Variants in TENM2 observed in about 807,000 individuals in gnomAD.
TENM2 encodes the protein teneurin transmembrane protein 2, also known as teneurin-2.
Under a neutral mutation model 245.2 loss-of-function variants are expected in TENM2, and 52 were observed. That is an observed-to-expected ratio of 0.21 (90% CI 0.17 to 0.27). TENM2 has a LOEUF of 0.27. Among genes scored for constraint, TENM2 ranks in the 10% least tolerant of loss-of-function variants. The probability of loss-of-function intolerance (pLI) is 1.00; values close to 1 mark genes in which losing one functional copy is unlikely to be tolerated. For synonymous variants in TENM2, 1,363 were observed against 1,438.9 expected (o/e 0.95, Z 1.19); for missense variants, 3,046 against 3,666.8 (o/e 0.83, Z 4.37).
At chr5:167,873,601 A>G (rs948752402) in intron 2 of TENM2, among the ~76,000 whole-genome samples, 1 of 152,244 alleles carries the variant, frequency 6.6e-6, no homozygotes, top group East Asian at 1.9e-4. Context: ...ATTAGATAAT[A>G]CATATAAAGG....
intron 8 of TENM2, among the ~76,000 whole-genome samples, chr5:168,090,995 G>A (rs1332230476): frequency 6.6e-6 from 1 of 152,164 alleles, no homozygotes; most frequent in Non-Finnish European, 1.5e-5. Flanking sequence ...GAGGTTAAGA[G>A]TTTGGGTCAG....
the TENM2 span, among the ~76,000 whole-genome samples, chr5:167,270,301 C>G: frequency 6.6e-6 from 1 of 152,158 alleles, no homozygotes; most frequent in African/African-American, 2.4e-5. Context: ...GTAACCACTA[C>G]TGTTATTGTT....
At chr5:167,144,056 GT>G in the TENM2 span, among the ~76,000 whole-genome samples, 1 of 152,012 alleles carries the variant, frequency 6.6e-6, no homozygotes, top group Non-Finnish European at 1.5e-5. Context: ...AAATGAGGGG[GT>G]TTTTTAAACC....
intron 2 of TENM2, among the ~76,000 whole-genome samples, chr5:167,527,649 A>G (rs1353867153): frequency 6.6e-6 from 1 of 152,154 alleles, no homozygotes; most frequent in Non-Finnish European, 1.5e-5. Flanking sequence ...TATTCTGTGC[A>G]TACATCTCTT....
intron 2 of TENM2, among the ~76,000 whole-genome samples, chr5:167,773,607 T>G (rs1763543700): frequency 1.3e-5 from 2 of 152,172 alleles, no homozygotes; most frequent in South Asian, 4.1e-4. Context: ...TTACCCTTGT[T>G]GTTCTTTCCT....
chr5:167,486,544 G>A (rs1768088036), intron 2 of TENM2, among the ~76,000 whole-genome samples: 1 of 151,948 alleles, frequency 6.6e-6, no homozygotes, highest in Admixed American at 6.6e-5. Flanking sequence ...TAGCCAGGAT[G>A]GTCTCAATCT....
intron 2 of TENM2, among the ~76,000 whole-genome samples, chr5:167,872,372 G>A (rs1772946159): frequency 7.3e-6 from 1 of 136,966 alleles, no homozygotes; most frequent in Non-Finnish European, 1.6e-5. Context: ...AAGGAAGGAA[G>A]GAAGGAAAAG....
At chr5:166,990,790 C>T in the TENM2 span, among the ~76,000 whole-genome samples, 1 of 152,124 alleles carries the variant, frequency 6.6e-6, no homozygotes, top group East Asian at 1.9e-4. Context: ...TCTATTCTAA[C>T]AACAACACTG....
intron 15 of TENM2, among the ~76,000 whole-genome samples, chr5:168,196,807 T>A (rs1218110920): frequency 6.6e-6 from 1 of 152,210 alleles, no homozygotes; most frequent in African/African-American, 2.4e-5. Context: ...TGCTGTGAAG[T>A]CCCATGAAAC....
At chr5:167,095,453 A>G in the TENM2 span, among the ~76,000 whole-genome samples, 1 of 152,158 alleles carries the variant, frequency 6.6e-6, no homozygotes, top group Non-Finnish European at 1.5e-5. Flanking sequence ...ACGGAAATGT[A>G]GGAGGCGGCG....
chr5:168,127,329 A>T (rs1795926413), intron 12 of TENM2, among the ~76,000 whole-genome samples: 1 of 152,164 alleles, frequency 6.6e-6, no homozygotes, highest in Non-Finnish European at 1.5e-5. Context: ...TGGCTGGATC[A>T]CTGGATCCCT....
rs1766406833 is a variant in TENM2, at chr5:168,244,816, C to T, written c.5817+100C>T. ...ACAGAGACTTGCTCTGTTGCCCAGG[C>T]TGGAGTGCAGTGGCATGATCTCGGC... On this transcript the variant is annotated intron_variant, in intron 26 of 28. Transcript: ENST00000518659. This position sits in a 1 kb window ranked among gnomAD's most constrained non-coding sequence, Gnocchi z 4.9. 2 of 1,058,710 alleles carry T rather than the reference C, an allele frequency of 1.9e-6. No individual in the cohort carries two copies. Among genetic ancestry groups the T allele is most frequent in the Non-Finnish European group, 2.5e-6 (2 of 805,512 alleles). The allele number at this position is 1,058,710 out of a possible 1,614,324, so 65.6% of individuals were successfully genotyped here.
At position 167,843,684 on chromosome 5, in the gene TENM2, A is replaced by G. The variant is rs527265907; in HGVS notation, c.503-32302A>G. Among the ~76,000 whole-genome samples, 108 of 152,318 alleles carry G rather than the reference A, an allele frequency of 7.1e-4. 1 individual carries two copies. Among genetic ancestry groups the G allele is most frequent in the African/African-American group, 2.5e-3 (105 of 41,586 alleles). Reference sequence around the variant, plus strand: ...AGGTTTGAAAACAAAACCTGTGAGCAGATTGTTTTCAAGTACTTTAATAGG... The same window carrying G: ...AGGTTTGAAAACAAAACCTGTGAGCGGATTGTTTTCAAGTACTTTAATAGG... On this transcript the variant is annotated intron_variant, in intron 2 of 28. Transcript: ENST00000518659.
rs1378616514 is a variant in TENM2, at chr5:168,247,576, A to G, written c.6637A>G (p.Ser2213Gly). The G allele has an allele frequency of 1.9e-6, 3 of 1,613,026 alleles. No individual in the cohort carries two copies. Among genetic ancestry groups the G allele is most frequent in the Non-Finnish European group, 2.5e-6 (3 of 1,179,068 alleles). The change falls in exon 27 of 29, where the codon AGC becomes GGC. Residue 2213 changes from serine (S) to glycine (G), a missense_variant. Physicochemically the swap from Ser to Gly is moderately conservative, Grantham distance 56. Coordinates refer to ENST00000518659, the Ensembl canonical transcript of TENM2. This position sits in a 1 kb window ranked among gnomAD's most constrained non-coding sequence, Gnocchi z 7.8. Reference sequence around the variant, plus strand: ...CTACGATGGGGACGGGCAGCTCCAGAGCGTGGCCGTCAATGACCGCCCGAC... The same window carrying G: ...CTACGATGGGGACGGGCAGCTCCAGGGCGTGGCCGTCAATGACCGCCCGAC...
At chr5:167,167,018 G>A in the TENM2 span, among the ~76,000 whole-genome samples, 86 of 152,128 alleles carry the variant, frequency 5.7e-4, no homozygotes, top group African/African-American at 1.9e-3. Context: ...CTTCCTTCTC[G>A]ATTCTTCACT....
chr5:167,140,569 C>T, the TENM2 span, among the ~76,000 whole-genome samples: 5 of 152,144 alleles, frequency 3.3e-5, no homozygotes, highest in Non-Finnish European at 7.3e-5. Flanking sequence ...TTAATAAAAT[C>T]TCAGATTTTT....
chr5:167,921,145 C>T (rs111994234), intron 3 of TENM2, among the ~76,000 whole-genome samples: 59 of 152,298 alleles, frequency 3.9e-4, no homozygotes, highest in African/African-American at 1.2e-3. Context: ...TTACTGGCAG[C>T]GTCTTCATCT....
At chr5:167,592,596 G>A (rs956869953) in intron 2 of TENM2, among the ~76,000 whole-genome samples, 4 of 152,082 alleles carry the variant, frequency 2.6e-5, no homozygotes, top group Non-Finnish European at 4.4e-5. Flanking sequence ...TTACACAAAT[G>A]GTGCCTCCAA....
chr5:168,238,249 GAAAAGAAAAGAAAAGAAAA>G lies in TENM2; in HGVS notation c.5521-6170_5521-6152del, dbSNP rs1765745945. 2.2e-5 allele frequency among the ~76,000 whole-genome samples: 3 copies of G among 134,754 alleles called. 1 individual carries two copies. Among genetic ancestry groups the G allele is most frequent in the African/African-American group, 8.3e-5 (3 of 36,218 alleles). 88.4% of individuals were successfully genotyped at this position (134,754 alleles called of 152,430 possible). On this transcript the variant is annotated intron_variant, in intron 25 of 28. Coordinates refer to ENST00000518659, the Ensembl canonical transcript of TENM2. ...GAAAAGAAAAGAAAAGAAAAGAAAA[GAAAAGAAAAGAAAAGAAAA>G]GAAAAGAAAAGAAAAGAAAAGAAAA...
Sources: allele counts gnomAD v4.1 joint callset (sites outside exome capture counted in the v4.1 genomes callset), GRCh38; gene constraint gnomAD v4.1.1; non-coding constraint Gnocchi (gnomAD v3.1); transcripts MANE v1.5; gene names NCBI Gene and HGNC (gene_info 2026-07-23, HGNC 2026-07-21).